Variants in ARHGAP22 observed in about 807,000 individuals in gnomAD.
ARHGAP22 encodes rho GTPase-activating protein 22.
Under a neutral mutation model 59.1 loss-of-function variants are expected in ARHGAP22, and 48 were observed. The ratio of observed to expected loss-of-function variants is 0.81; its 90% CI spans 0.64 to 1.03. The LOEUF is 1.03. Ranked by LOEUF, ARHGAP22 falls within the 50% of genes least tolerant of loss-of-function variation. The pLI, the probability that ARHGAP22 is intolerant of heterozygous loss-of-function variation, is 0.00. For missense variants in ARHGAP22, 1,015 were observed against 958.7 expected (o/e 1.06, Z -0.78); for synonymous variants, 445 against 416.4 (o/e 1.07, Z -0.84).
At chr10:48,644,652 T>A (rs538916841) in intron 1 of ARHGAP22, among the ~76,000 whole-genome samples, 1 of 152,246 alleles carries the variant, frequency 6.6e-6, no homozygotes, top group East Asian at 1.9e-4. Flanking sequence ...ATTTGGAAGT[T>A]GAACAACACA....
At chr10:48,460,897 G>A (rs1353659016) in intron 4 of ARHGAP22, among the ~76,000 whole-genome samples, 1 of 152,220 alleles carries the variant, frequency 6.6e-6, no homozygotes, top group Non-Finnish European at 1.5e-5. Context: ...GACAAATACT[G>A]TGTTATTCCC....
chr10:48,617,788 AG>A (rs1472793809), intron 1 of ARHGAP22, among the ~76,000 whole-genome samples: 1 of 152,100 alleles, frequency 6.6e-6, no homozygotes, highest in Non-Finnish European at 1.5e-5. Flanking sequence ...AATCTAGAAA[AG>A]CAAGAACAAA....
At chr10:48,562,121 G>C (rs60932029) in intron 2 of ARHGAP22, among the ~76,000 whole-genome samples, 19,739 of 151,774 alleles carry the variant, frequency 0.13, 2,437 homozygotes, top group African/African-American at 0.33. Flanking sequence ...AGCTACTCAG[G>C]AGGCTGAGGC....
At chr10:48,550,071 A>C (rs1348632) in intron 3 of ARHGAP22, among the ~76,000 whole-genome samples, 13,403 of 152,082 alleles carry the variant, frequency 0.088, 788 homozygotes, top group African/African-American at 0.16. Flanking sequence ...AGACACACAG[A>C]CCCCGTGCCC....
intron 3 of ARHGAP22, among the ~76,000 whole-genome samples, chr10:48,537,141 T>TA (rs894695593): frequency 1.1e-4 from 16 of 152,220 alleles, no homozygotes; most frequent in Admixed American, 1.0e-3. Context: ...TCTTAATTTT[T>TA]AAAAAATGAA....
chr10:48,592,764 A>G (rs955382074), intron 1 of ARHGAP22, among the ~76,000 whole-genome samples: 18 of 152,122 alleles, frequency 1.2e-4, no homozygotes, highest in African/African-American at 4.3e-4. Context: ...CACTCCTCCC[A>G]GGGTTCCCCC....
At chr10:48,521,859 T>C (rs985833680) in intron 3 of ARHGAP22, among the ~76,000 whole-genome samples, 4 of 152,248 alleles carry the variant, frequency 2.6e-5, no homozygotes, top group Admixed American at 1.3e-4. Flanking sequence ...CCAATCCACC[T>C]GACTTAGCAG....
chr10:48,516,432 G>A lies in ARHGAP22; in HGVS notation c.323-36668C>T, dbSNP rs571072056. 2.4e-3 allele frequency among the ~76,000 whole-genome samples: 370 copies of A among 152,254 alleles called. 1 individual carries two copies. Among genetic ancestry groups the A allele is most frequent in the African/African-American group, 7.7e-3 (321 of 41,530 alleles). On this transcript the variant is annotated intron_variant, in intron 3 of 9. Transcript: ENST00000249601. ...ACTCCCACCTACTTGGGAGGCTGAG[G>A]TAGGAGGATTGCTGGAGCCCAGAGG...
intron 2 of ARHGAP22, among the ~76,000 whole-genome samples, chr10:48,558,343 T>TTTTTTG (rs1564880085): frequency 1.5e-4 from 23 of 150,834 alleles, no homozygotes; most frequent in Admixed American, 5.3e-4. Context: ...ATTTAATGTT[T>TTTTTTG]TTTTTTTGTT....
intron 5 of ARHGAP22, among the ~76,000 whole-genome samples, chr10:48,456,424 T>A (rs540120974): frequency 6.6e-6 from 1 of 152,148 alleles, no homozygotes; most frequent in East Asian, 1.9e-4. Flanking sequence ...CCACCCTCCT[T>A]CCATCTCCAG....
At chr10:48,593,417 G>A (rs540367031) in intron 1 of ARHGAP22, among the ~76,000 whole-genome samples, 23 of 152,330 alleles carry the variant, frequency 1.5e-4, no homozygotes, top group Admixed American at 1.1e-3. Flanking sequence ...GAAACTGCAG[G>A]TAGTACTGAA....
intron 1 of ARHGAP22, among the ~76,000 whole-genome samples, chr10:48,631,267 T>TA (rs2061619294): frequency 6.6e-6 from 1 of 152,246 alleles, no homozygotes; most frequent in Non-Finnish European, 1.5e-5. Flanking sequence ...TGTGTAGCTT[T>TA]TCTTTCTTGT....
intron 3 of ARHGAP22, among the ~76,000 whole-genome samples, chr10:48,507,679 C>A (rs944792944): frequency 3.3e-5 from 5 of 152,292 alleles, no homozygotes; most frequent in Non-Finnish European, 7.3e-5. Flanking sequence ...CCTCATGGGA[C>A]AGTCTCCACC....
At chr10:48,509,990 T>C (rs1433646505) in intron 3 of ARHGAP22, among the ~76,000 whole-genome samples, 1 of 152,194 alleles carries the variant, frequency 6.6e-6, no homozygotes, top group African/African-American at 2.4e-5. Context: ...GAAAAGAATA[T>C]GAATTTTGGA....
At chr10:48,506,974 A>C (rs11101348) in intron 3 of ARHGAP22, among the ~76,000 whole-genome samples, 22,806 of 152,064 alleles carry the variant, frequency 0.15, 2,533 homozygotes, top group East Asian at 0.59. Context: ...GGGGAGCAAA[A>C]CCTGAACTCC....
exon 1 of ARHGAP22, chr10:48,652,297 CAG>C: frequency 6.5e-7 from 1 of 1,535,530 alleles, no homozygotes; most frequent in Non-Finnish European, 8.7e-7. Context: ...ATGAAGCTGG[CAG>C]TCTGTGCAAA....
At chr10:48,538,847 A>C (rs2055623398) in intron 3 of ARHGAP22, among the ~76,000 whole-genome samples, 1 of 152,194 alleles carries the variant, frequency 6.6e-6, no homozygotes, top group South Asian at 2.1e-4. Context: ...TGGCATCTCC[A>C]CCTACCCATA....
At chr10:48,569,524 T>C (rs1353455310) in intron 2 of ARHGAP22, among the ~76,000 whole-genome samples, 2 of 152,264 alleles carry the variant, frequency 1.3e-5, no homozygotes, top group South Asian at 4.1e-4. Flanking sequence ...TGCTTCAATG[T>C]TACTTGATTC....
chr10:48,523,970 C>A (rs1428913580), intron 3 of ARHGAP22: 2 of 1,326,356 alleles, frequency 1.5e-6, no homozygotes, highest in Non-Finnish European at 9.9e-7. Context: ...GCCCTGGACA[C>A]CCCGTGGCGA....
Sources: allele counts gnomAD v4.1 joint callset (sites outside exome capture counted in the v4.1 genomes callset), GRCh38; gene constraint gnomAD v4.1.1; transcripts MANE v1.5; gene names NCBI Gene and HGNC (gene_info 2026-07-23, HGNC 2026-07-21).